The following MORC4 variants were observed in gnomAD, a reference collection of about 807,000 sequenced individuals.
MORC4 encodes MORC family CW-type zinc finger protein 4.
In MORC4, 22 loss-of-function variants were observed where a neutral mutation model predicts 65.5. The observed-to-expected ratio is 0.34, with a 90% confidence interval of 0.24 to 0.48. The LOEUF is 0.48. MORC4 is among the 20% of genes least tolerant of loss of function. MORC4 has a pLI of 0.99. For synonymous variants in MORC4, 267 were observed against 255.8 expected (o/e 1.04, Z -0.42); for missense variants, 624 against 703.0 (o/e 0.89, Z 1.27).
chrX:106,953,063 A>G (rs1464590003), intron 14 of MORC4, among the ~76,000 whole-genome samples: 1 of 111,995 alleles, frequency 8.9e-6, no homozygotes, highest in Non-Finnish European at 1.9e-5. Context: ...ATTCTCAATA[A>G]ATTAAAATTA....
At chrX:106,999,564 C>T in intron 2 of MORC4, 113 bp downstream of exon 2, 1 of 679,407 alleles carries the variant, frequency 1.5e-6, no homozygotes, top group Non-Finnish European at 2.0e-6. Flanking sequence ...CCGAGGCCCC[C>T]ACCCCAGCCC....
At chrX:106,982,137 A>G (rs950229689) in intron 5 of MORC4, among the ~76,000 whole-genome samples, 5 of 111,714 alleles carry the variant, frequency 4.5e-5, no homozygotes, top group African/African-American at 1.6e-4. Context: ...CAGGGAAAAA[A>G]CGTTAAGACC....
At position 106,980,978 on chromosome X, in the gene MORC4, A is replaced by C; in HGVS notation, c.849T>G (p.Ile283Met). 5 of 1,209,747 alleles carry C rather than the reference A, an allele frequency of 4.1e-6. No homozygotes were observed. The highest frequency in any genetic ancestry group is 5.6e-6 in the Non-Finnish European group (5 of 894,132). The change falls in exon 7 of 17, where the codon ATT (isoleucine) becomes ATG (methionine). Residue 283 changes from isoleucine to methionine, a missense_variant. Coordinates refer to ENST00000355610, the MANE Select transcript of MORC4 (RefSeq NM_024657.5). ...TAGTCACCTTCTTTTGACGCAGAAA[A>C]ATTTTCATGCGTGGCTTCATGTATA... ...GILYMKPRMK[I>M]FLRQKKVTTQ...
chrX:106,956,196 C>T (rs749390495), intron 13 of MORC4, among the ~76,000 whole-genome samples: 4 of 111,735 alleles, frequency 3.6e-5, no homozygotes, highest in Admixed American at 1.9e-4. Flanking sequence ...GGATGAAACA[C>T]AACCCTGAAT....
chrX:106,976,114 C>T (rs1485049919), intron 9 of MORC4, among the ~76,000 whole-genome samples: 1 of 111,748 alleles, frequency 8.9e-6, no homozygotes, highest in African/African-American at 3.2e-5. Flanking sequence ...CAGATTCTTA[C>T]CTGTTTGCCT....
chrX:106,980,857 T>C, intron 7 of MORC4, 34 bp downstream of exon 7: 1 of 1,173,420 alleles, frequency 8.5e-7, no homozygotes, highest in Middle Eastern at 2.4e-4. Flanking sequence ...AATAAAGAGG[T>C]CAACTTCATG....
At chrX:106,971,723 A>T (rs1934515762) in intron 9 of MORC4, among the ~76,000 whole-genome samples, 1 of 112,605 alleles carries the variant, frequency 8.9e-6, no homozygotes. Flanking sequence ...AAAAATGCTC[A>T]TCATCACTGG....
At position 106,978,184 on chromosome X, in the gene MORC4, T is replaced by C; in HGVS notation, c.952A>G (p.Ile318Val). 2 of 1,205,808 alleles carry C rather than the reference T, an allele frequency of 1.7e-6. No homozygotes were observed. Among genetic ancestry groups the C allele is most frequent in the Admixed American group, 2.2e-5 (1 of 45,408 alleles). Residue 318 changes from isoleucine (I) to valine (V), a missense_variant, in exon 8 of 17, where the codon ATC becomes GTC. Physicochemically the swap from Ile to Val is conservative, Grantham distance 29. Coordinates refer to ENST00000355610, the MANE Select transcript of MORC4 (RefSeq NM_024657.5). ...TTCTTGCAAGAGAACCCAAAGGTGATTCTCACCTGCTTATTCTGAGAAGAA... is the reference window on the plus strand; with the variant it reads ...TTCTTGCAAGAGAACCCAAAGGTGACTCTCACCTGCTTATTCTGAGAAGAA... ...KPTFTNKQVRITFGFSCKNSN... is the reference protein window; with the variant it reads ...KPTFTNKQVRVTFGFSCKNSN...
chrX:106,950,433 G>T (rs139207260), intron 14 of MORC4, among the ~76,000 whole-genome samples: 137 of 111,879 alleles, frequency 1.2e-3, no homozygotes, highest in African/African-American at 4.2e-3. Context: ...AGAATCTCTG[G>T]CACAGTGTGC....
At chrX:106,975,138 G>A (rs1257244619) in intron 9 of MORC4, among the ~76,000 whole-genome samples, 2 of 111,439 alleles carry the variant, frequency 1.8e-5, no homozygotes. Context: ...AGACTTGGGG[G>A]GTTGGTGGCA....
At position 106,956,460 on chromosome X, in the gene MORC4, G is replaced by C; in HGVS notation, c.1509+20C>G. 8.6e-7 allele frequency: 1 copy of C among 1,169,508 alleles called. No homozygotes were observed. The highest frequency in any genetic ancestry group is 1.8e-5 in the South Asian group (1 of 55,992). Reference sequence around the variant, plus strand: ...GGAAAATGTTGTGTGAGAACAATAAGGGTGTGCACTGCCTCTCACCTGGTG... The same window carrying C: ...GGAAAATGTTGTGTGAGAACAATAACGGTGTGCACTGCCTCTCACCTGGTG... On this transcript the variant is annotated intron_variant, in intron 13 of 16. Coordinates refer to ENST00000355610, the MANE Select transcript of MORC4 (RefSeq NM_024657.5).
At chrX:106,976,798 G>A (rs1934634688) in intron 8 of MORC4, 114 bp from the exon 9 acceptor site, 1 of 473,408 alleles carries the variant, frequency 2.1e-6, no homozygotes, top group African/African-American at 2.4e-5. Context: ...GGCAAGAAAA[G>A]ACCATCAAGA....
intron 5 of MORC4, 36 bp from the exon 6 acceptor site, chrX:106,981,513 C>A: frequency 8.8e-7 from 1 of 1,132,639 alleles, no homozygotes. Context: ...CTAACAAAAA[C>A]TGGCTCCAGA....
chrX:106,959,871 A>C (rs1900966135), intron 10 of MORC4, among the ~76,000 whole-genome samples: 1 of 112,889 alleles, frequency 8.9e-6, no homozygotes, highest in South Asian at 3.7e-4. Flanking sequence ...ATATAAAAGT[A>C]ATATAAGCTC....
chrX:106,959,112 T>C (rs1388990791), intron 10 of MORC4, among the ~76,000 whole-genome samples: 2 of 112,201 alleles, frequency 1.8e-5, no homozygotes, highest in Non-Finnish European at 3.8e-5. Flanking sequence ...AATATAAATT[T>C]GATTAAATTT....
At chrX:106,948,986 T>A (rs1219969901) in intron 14 of MORC4, among the ~76,000 whole-genome samples, 1 of 111,855 alleles carries the variant, frequency 8.9e-6, no homozygotes, top group East Asian at 2.8e-4. Context: ...TAGCCATGAT[T>A]TCTTGAAATA....
Position 106,941,627 on chromosome X carries a change from A to G in MORC4, c.2666T>C (p.Leu889Ser). 2 of 1,210,106 alleles carry G rather than the reference A, an allele frequency of 1.7e-6. No individual in the cohort carries two copies. Among genetic ancestry groups the G allele is most frequent in the Non-Finnish European group, 2.2e-6 (2 of 894,510 alleles). Residue 889 changes from leucine to serine, a missense_variant, in exon 17 of 17, where the codon TTG becomes TCG. Coordinates refer to ENST00000355610, the MANE Select transcript of MORC4 (RefSeq NM_024657.5). ...GATACGTAGCCGCGTAAGCTTTGCCAAAGCCCTGTATGAAGGAGTGAGGGG... is the reference window on the plus strand; with the variant it reads ...GATACGTAGCCGCGTAAGCTTTGCCGAAGCCCTGTATGAAGGAGTGAGGGG... The part of the protein sequence containing the change: ...TPEGDDLERA[L>S]AKLTRLRIHV...
chrX:106,967,631 T>C (rs73533060), intron 9 of MORC4, among the ~76,000 whole-genome samples: 6,773 of 111,909 alleles, frequency 0.061, 558 homozygotes, highest in African/African-American at 0.21. Flanking sequence ...AATGACCTGA[T>C]AGAGCTAAAA....
intron 14 of MORC4, among the ~76,000 whole-genome samples, chrX:106,951,000 T>G (rs1299367447): frequency 8.9e-6 from 1 of 112,165 alleles, no homozygotes; most frequent in Non-Finnish European, 1.9e-5. Context: ...AACACTGATT[T>G]TTTTTAAATA....
Sources: allele counts gnomAD v4.1 joint callset (sites outside exome capture counted in the v4.1 genomes callset), GRCh38; gene constraint gnomAD v4.1.1; transcripts MANE v1.5; gene names NCBI Gene and HGNC (gene_info 2026-07-23, HGNC 2026-07-21).